The following RGS17 variants were observed in gnomAD, a reference collection of about 807,000 sequenced individuals.
The protein encoded by RGS17 is regulator of G protein signaling 17, also known as regulator of G-protein signaling 17.
A neutral mutation model predicts 25.5 loss-of-function variants in RGS17; 12 were observed. That is an observed-to-expected ratio of 0.47 (90% CI 0.30 to 0.76). RGS17 has a LOEUF of 0.76. RGS17 is among the 30% of genes least tolerant of loss of function. RGS17 has a pLI of 0.07. For missense variants in RGS17, 196 were observed against 242.2 expected, an observed-to-expected ratio of 0.81 and a Z score of 1.27; for synonymous variants, 71 against 76.9, an observed-to-expected ratio of 0.92 and a Z score of 0.40.
chr6:153,111,345 C>CCA (rs910854490), intron 1 of RGS17, among the ~76,000 whole-genome samples: 6 of 152,132 alleles, frequency 3.9e-5, no homozygotes, highest in Non-Finnish European at 5.9e-5. Flanking sequence ...CTGGGCTGAC[C>CCA]CCACCACAGC....
At position 153,005,549 on chromosome 6, in the gene RGS17, A is replaced by G. The variant is rs1327173660; in HGVS notation, c.*6025T>C. 9 of 152,210 alleles carry G rather than the reference A, an allele frequency of 5.9e-5. No homozygotes were observed. The highest frequency in any genetic ancestry group is 2.4e-5 in the African/African-American group (1 of 41,444). 9.4% of individuals were successfully genotyped at this position (152,210 alleles called of 1,614,324 possible). On this transcript the variant is annotated 3_prime_UTR_variant, in exon 5 of 5. Coordinates refer to ENST00000206262, the MANE Select transcript of RGS17 (RefSeq NM_012419.5). ...AGCTAAGAGTAGCCTAAAGTTTGAGAAACTGTCACAGCTAAGACGAGTCCC... is the reference window on the plus strand; with the variant it reads ...AGCTAAGAGTAGCCTAAAGTTTGAGGAACTGTCACAGCTAAGACGAGTCCC...
At chr6:153,095,606 C>A (rs1392170929) in intron 1 of RGS17, among the ~76,000 whole-genome samples, 1 of 151,918 alleles carries the variant, frequency 6.6e-6, no homozygotes, top group African/African-American at 2.4e-5. Flanking sequence ...TCATGGGATT[C>A]TCTAAAGTAA....
intron 2 of RGS17, among the ~76,000 whole-genome samples, chr6:153,034,082 G>A (rs1362115267): frequency 1.3e-5 from 2 of 152,184 alleles, no homozygotes; most frequent in Non-Finnish European, 2.9e-5. Flanking sequence ...AACCCTGTTA[G>A]TGAATATTCA....
At chr6:153,103,356 T>C (rs927581772) in intron 1 of RGS17, among the ~76,000 whole-genome samples, 1 of 152,214 alleles carries the variant, frequency 6.6e-6, no homozygotes, top group Non-Finnish European at 1.5e-5. Flanking sequence ...TTACCACTGA[T>C]ACGATAGTTA....
At chr6:153,025,433 A>G (rs1779289313) in intron 3 of RGS17, among the ~76,000 whole-genome samples, 1 of 151,968 alleles carries the variant, frequency 6.6e-6, no homozygotes, top group Non-Finnish European at 1.5e-5. Context: ...GGAATTTAAA[A>G]CTATATACAG....
intron 4 of RGS17, among the ~76,000 whole-genome samples, chr6:153,013,233 T>C (rs1779152184): frequency 1.3e-5 from 2 of 152,226 alleles, no homozygotes; most frequent in Admixed American, 6.5e-5. Flanking sequence ...ATCATTATTA[T>C]ATATTTTAAG....
chr6:153,122,095 CTT>C (rs1407422282), intron 1 of RGS17, among the ~76,000 whole-genome samples: 3 of 152,088 alleles, frequency 2.0e-5, no homozygotes, highest in Non-Finnish European at 4.4e-5. Context: ...AACTAATAGT[CTT>C]GTTTTCTGAG....
chr6:153,021,323 G>A (rs1018205648), intron 4 of RGS17, among the ~76,000 whole-genome samples: 3 of 152,182 alleles, frequency 2.0e-5, no homozygotes, highest in Non-Finnish European at 2.9e-5. Context: ...AAAATCTGAA[G>A]AGTGGTAACT....
At chr6:153,123,755 G>A (rs921386081) in intron 1 of RGS17, among the ~76,000 whole-genome samples, 6 of 152,258 alleles carry the variant, frequency 3.9e-5, no homozygotes, top group African/African-American at 9.6e-5. Flanking sequence ...ATGTGGACCC[G>A]GAAGAAGGGC....
chr6:153,110,455 C>T (rs1484760126), intron 1 of RGS17, among the ~76,000 whole-genome samples: 1 of 151,758 alleles, frequency 6.6e-6, no homozygotes, highest in Non-Finnish European at 1.5e-5. Context: ...CACACACACA[C>T]ACTTCAATAT....
chr6:153,111,942 A>G (rs1013791521), intron 1 of RGS17, among the ~76,000 whole-genome samples: 1 of 152,196 alleles, frequency 6.6e-6, no homozygotes, highest in East Asian at 1.9e-4. Flanking sequence ...ACCAACATCA[A>G]AGACCAAAGG....
chr6:153,049,914 A>G (rs1451964274), intron 1 of RGS17, among the ~76,000 whole-genome samples: 1 of 152,206 alleles, frequency 6.6e-6, no homozygotes, highest in Non-Finnish European at 1.5e-5. Context: ...TCAATAATAT[A>G]GAAGTCATAA....
chr6:153,071,736 A>C (rs1286330511), intron 1 of RGS17, among the ~76,000 whole-genome samples: 1 of 152,168 alleles, frequency 6.6e-6, no homozygotes, highest in Non-Finnish European at 1.5e-5. Flanking sequence ...CACAGATTAC[A>C]TATTGAGTAG....
intron 1 of RGS17, among the ~76,000 whole-genome samples, chr6:153,082,763 T>C (rs1777003028): frequency 6.6e-6 from 1 of 152,206 alleles, no homozygotes. Context: ...TAATTTTACA[T>C]CATTAGATAC....
intron 1 of RGS17, among the ~76,000 whole-genome samples, chr6:153,051,227 A>T (rs1186951451): frequency 6.6e-6 from 1 of 152,188 alleles, no homozygotes; most frequent in African/African-American, 2.4e-5. Context: ...ATACCTAAAT[A>T]TGTGAAAGCA....
chr6:153,062,766 G>T (rs1245245482), intron 1 of RGS17, among the ~76,000 whole-genome samples: 2 of 152,056 alleles, frequency 1.3e-5, no homozygotes, highest in East Asian at 3.9e-4. Context: ...AGGGAAGAGT[G>T]GGGAAGACTT....
intron 1 of RGS17, among the ~76,000 whole-genome samples, chr6:153,116,628 T>C (rs1381448202): frequency 1.3e-5 from 2 of 152,196 alleles, no homozygotes; most frequent in Non-Finnish European, 2.9e-5. Flanking sequence ...TGCACATGTA[T>C]GTTTACTGCA....
At chr6:153,123,012 T>C (rs1232542899) in intron 1 of RGS17, among the ~76,000 whole-genome samples, 5 of 103,256 alleles carry the variant, frequency 4.8e-5, no homozygotes, top group African/African-American at 7.9e-5. Context: ...TCAGAGTACA[T>C]TGGAGTATTT....
intron 1 of RGS17, among the ~76,000 whole-genome samples, chr6:153,070,672 ATTGTGT>A (rs1295513271): frequency 1.1e-4 from 5 of 46,214 alleles, no homozygotes; most frequent in Admixed American, 6.5e-4. Flanking sequence ...CACATGGAAG[ATTGTGT>A]GTGTGTGTGT....
Sources: allele counts gnomAD v4.1 joint callset (sites outside exome capture counted in the v4.1 genomes callset), GRCh38; gene constraint gnomAD v4.1.1; transcripts MANE v1.5; gene names NCBI Gene and HGNC (gene_info 2026-07-23, HGNC 2026-07-21).